SNX13: variants seen among roughly 807,000 people sequenced by gnomAD.
The protein encoded by SNX13 is sorting nexin-13.
Under a neutral mutation model 133.6 loss-of-function variants are expected in SNX13, and 45 were observed. The ratio of observed to expected loss-of-function variants is 0.34; its 90% CI spans 0.27 to 0.43. SNX13 has a LOEUF of 0.43. Ranked by LOEUF, SNX13 falls within the 20% of genes least tolerant of loss-of-function variation. The probability of loss-of-function intolerance (pLI) is 1.00; values close to 1 mark genes in which losing one functional copy is unlikely to be tolerated. For missense variants in SNX13, 1,032 were observed against 1,145.1 expected (o/e 0.90, Z 1.43); for synonymous variants, 414 against 373.9 (o/e 1.11, Z -1.24).
At chr7:17,878,157 G>C (rs1794934385) in intron 5 of SNX13, among the ~76,000 whole-genome samples, 1 of 151,950 alleles carries the variant, frequency 6.6e-6, no homozygotes, top group Admixed American at 6.6e-5. Flanking sequence ...AGAGCTCTTA[G>C]TATCAATTAT....
chr7:17,805,271 A>G (rs963272101), intron 20 of SNX13, among the ~76,000 whole-genome samples: 2,546 of 76,484 alleles, frequency 0.033, 40 homozygotes, highest in African/African-American at 0.055. Context: ...GCGCGCATGC[A>G]TGCACATGTG....
At chr7:17,803,337 A>G in intron 21 of SNX13, 82 bp downstream of exon 21, 1 of 1,298,208 alleles carries the variant, frequency 7.7e-7, no homozygotes, top group Non-Finnish European at 1.0e-6. Context: ...TTAAGGGACT[A>G]AGGTAAATCC....
intron 5 of SNX13, among the ~76,000 whole-genome samples, chr7:17,887,516 C>T (rs1796139451): frequency 6.6e-6 from 1 of 152,152 alleles, no homozygotes; most frequent in South Asian, 2.1e-4. Context: ...GTTATGACTA[C>T]AAAGCACTCT....
At chr7:17,870,202 C>T (rs1026416922) in intron 8 of SNX13, among the ~76,000 whole-genome samples, 1 of 152,036 alleles carries the variant, frequency 6.6e-6, no homozygotes, top group African/African-American at 2.4e-5. Flanking sequence ...ATCATTGAAG[C>T]CATATCTTTA....
intron 11 of SNX13, among the ~76,000 whole-genome samples, chr7:17,847,382 A>C (rs1369913978): frequency 3.3e-5 from 5 of 151,964 alleles, no homozygotes; most frequent in Non-Finnish European, 7.4e-5. Flanking sequence ...CCCAGGCTGG[A>C]GTGCAATGGT....
At chr7:17,905,437 G>C (rs1006869473) in intron 1 of SNX13, among the ~76,000 whole-genome samples, 4 of 152,118 alleles carry the variant, frequency 2.6e-5, no homozygotes, top group African/African-American at 7.2e-5. Flanking sequence ...TTGATTCACA[G>C]AGTGTTTGGG....
intron 1 of SNX13, among the ~76,000 whole-genome samples, chr7:17,919,333 C>A (rs994399580): frequency 6.6e-6 from 1 of 152,030 alleles, no homozygotes; most frequent in South Asian, 2.1e-4. Context: ...TTCTCACCAC[C>A]CTATTATAAG....
chr7:17,859,195 T>G (rs1023410691), intron 9 of SNX13, among the ~76,000 whole-genome samples: 3 of 151,968 alleles, frequency 2.0e-5, no homozygotes, highest in Non-Finnish European at 4.4e-5. Context: ...AATACATATA[T>G]CTGATAAAGA....
intron 16 of SNX13, among the ~76,000 whole-genome samples, chr7:17,827,340 T>G (rs1193280787): frequency 6.6e-6 from 1 of 151,996 alleles, no homozygotes; most frequent in Non-Finnish European, 1.5e-5. Context: ...ATTCATATTA[T>G]ATAACTCAGA....
intron 20 of SNX13, among the ~76,000 whole-genome samples, chr7:17,805,531 T>C (rs1162624864): frequency 6.6e-6 from 1 of 152,000 alleles, no homozygotes; most frequent in African/African-American, 2.4e-5. Flanking sequence ...ACAGAAGAAA[T>C]AGCATTTCAG....
At chr7:17,822,989 C>T (rs534615530) in intron 17 of SNX13, among the ~76,000 whole-genome samples, 1 of 152,164 alleles carries the variant, frequency 6.6e-6, no homozygotes, top group Non-Finnish European at 1.5e-5. Flanking sequence ...GGCTGTTTTC[C>T]TAGTTCCTCT....
At chr7:17,847,777 CAA>C (rs1263269316) in intron 11 of SNX13, among the ~76,000 whole-genome samples, 1 of 152,128 alleles carries the variant, frequency 6.6e-6, no homozygotes, top group Non-Finnish European at 1.5e-5. Flanking sequence ...CACTACTCCA[CAA>C]AAAATGCTCT....
At position 17,791,281 on chromosome 7, in the gene SNX13, G is replaced by T. The variant is rs1481115326; in HGVS notation, c.*2764C>A. 6.6e-6 allele frequency: 1 copy of T among 151,410 alleles called. No homozygotes were observed. Among genetic ancestry groups the T allele is most frequent in the Non-Finnish European group, 1.5e-5 (1 of 67,744 alleles). The allele number at this position is 151,410 out of a possible 1,614,324, so 9.4% of individuals were successfully genotyped here. A position where few individuals can be genotyped will look rare whatever the true frequency, so the allele number is the denominator to read the frequency against. On this transcript the variant is annotated 3_prime_UTR_variant, in exon 26 of 26. Transcript: ENST00000428135. ...ATCATTCTTAATTTTTATAAAAATT[G>T]GTACACTTTCTGGTAGCACTTAACT...
At position 17,831,838 on chromosome 7, in the gene SNX13, T is replaced by A. The variant is rs1351438046; in HGVS notation, c.1598-1791A>T. On this transcript the variant is annotated intron_variant, in intron 15 of 25. Coordinates refer to ENST00000428135, the MANE Select transcript of SNX13 (RefSeq NM_015132.5). ...TTAAATAATCATATAAAAAGAAGTA[T>A]ATCAGAAGCATTACTAGTTGAGAAA... is the stretch of plus-strand genomic sequence containing the variant. 9 of 983,166 alleles carry A rather than the reference T, an allele frequency of 9.2e-6. No individual in the cohort carries two copies. The South Asian group carries it at 3.3e-4, about 36-fold the overall frequency. 60.9% of individuals were successfully genotyped at this position (983,166 alleles called of 1,614,324 possible). A position where few individuals can be genotyped will look rare whatever the true frequency, so the allele number is the denominator to read the frequency against.
chr7:17,858,214 T>C (rs1031070023), intron 9 of SNX13, among the ~76,000 whole-genome samples: 3 of 152,090 alleles, frequency 2.0e-5, no homozygotes, highest in Non-Finnish European at 2.9e-5. Flanking sequence ...AGTATCCTAA[T>C]TGGAAAGGAA....
intron 1 of SNX13, among the ~76,000 whole-genome samples, chr7:17,910,865 C>G: frequency 6.6e-6 from 1 of 152,136 alleles, no homozygotes; most frequent in East Asian, 1.9e-4. Flanking sequence ...TAACAGAACT[C>G]AGATTGGTGA....
chr7:17,855,233 G>C (rs1345617114), intron 9 of SNX13, among the ~76,000 whole-genome samples: 1 of 152,160 alleles, frequency 6.6e-6, no homozygotes, highest in East Asian at 1.9e-4. Flanking sequence ...GCAGACATTG[G>C]AGGTTTGAGG....
chr7:17,845,430 T>TA (rs1790398530), intron 12 of SNX13, among the ~76,000 whole-genome samples, 165 bp downstream of exon 12: 1 of 152,104 alleles, frequency 6.6e-6, no homozygotes, highest in African/African-American at 2.4e-5. Context: ...TTTTGGAAGA[T>TA]AAAAACAGTT....
At chr7:17,798,962 A>T (rs1356821697) in intron 23 of SNX13, 47 bp downstream of exon 23, 1 of 1,568,126 alleles carries the variant, frequency 6.4e-7, no homozygotes, top group African/African-American at 1.4e-5. Context: ...GTAAGAGTTT[A>T]ATAGCTAAGT....
Sources: allele counts gnomAD v4.1 joint callset (sites outside exome capture counted in the v4.1 genomes callset), GRCh38; gene constraint gnomAD v4.1.1; transcripts MANE v1.5; gene names NCBI Gene and HGNC (gene_info 2026-07-23, HGNC 2026-07-21).